The following TMEM132D variants were observed in gnomAD, a reference collection of about 807,000 sequenced individuals.
The protein encoded by TMEM132D is transmembrane protein 132D.
TMEM132D carries 21 observed loss-of-function variants against 62.3 expected under a neutral mutation model. That is an observed-to-expected ratio of 0.34 (90% CI 0.24 to 0.49). The LOEUF is 0.49. Ranked by LOEUF, TMEM132D falls within the 20% of genes least tolerant of loss-of-function variation. The pLI, the probability that TMEM132D is intolerant of heterozygous loss-of-function variation, is 0.99. For missense variants in TMEM132D, 1,346 were observed against 1,402.8 expected (o/e 0.96, Z 0.65); for synonymous variants, 621 against 575.6 (o/e 1.08, Z -1.13).
intron 2 of TMEM132D, among the ~76,000 whole-genome samples, chr12:129,595,930 T>C (rs557320617): frequency 6.6e-6 from 1 of 152,182 alleles, no homozygotes; most frequent in Non-Finnish European, 1.5e-5. Context: ...TACATTATTG[T>C]TTGGCCATAT....
intron 2 of TMEM132D, among the ~76,000 whole-genome samples, chr12:129,687,518 G>T (rs1880961726): frequency 6.6e-6 from 1 of 152,038 alleles, no homozygotes; most frequent in African/African-American, 2.4e-5. Context: ...TGCCAACTGG[G>T]TTACTGGAAG....
chr12:129,643,461 C>G (rs1264967018), intron 2 of TMEM132D, among the ~76,000 whole-genome samples: 1 of 152,202 alleles, frequency 6.6e-6, no homozygotes, highest in Non-Finnish European at 1.5e-5. Flanking sequence ...AGCAGATTTG[C>G]TGGCCACAGT....
chr12:129,901,277 G>A (rs527365694), intron 1 of TMEM132D, among the ~76,000 whole-genome samples: 23 of 152,316 alleles, frequency 1.5e-4, no homozygotes, highest in African/African-American at 5.1e-4. Context: ...GAATCTTAGA[G>A]GGAGGTGATA....
chr12:129,432,907 G>T lies in TMEM132D; in HGVS notation c.1116-95090C>A, dbSNP rs188620636. Among the ~76,000 whole-genome samples the T allele has an allele frequency of 2.6e-4, 39 of 152,256 alleles. No individual in the cohort carries two copies. The East Asian group carries it at 6.8e-3, about 26-fold the overall frequency. ...AAGCTGAACTCTGCCAGAAACCCAT[G>T]GCCCCTTGGGTCACCTTGCAGGTAG... is the stretch of plus-strand genomic sequence containing the variant. On this transcript the variant is annotated intron_variant, in intron 3 of 8. Coordinates refer to ENST00000422113, the MANE Select transcript of TMEM132D (RefSeq NM_133448.3).
At chr12:129,189,850 G>A (rs1878334793) in intron 5 of TMEM132D, among the ~76,000 whole-genome samples, 1 of 152,128 alleles carries the variant, frequency 6.6e-6, no homozygotes, top group Non-Finnish European at 1.5e-5. Context: ...TACATGACAG[G>A]GGAAAGTGAG....
At chr12:129,437,331 C>A (rs2135719315) in intron 3 of TMEM132D, among the ~76,000 whole-genome samples, 1 of 152,262 alleles carries the variant, frequency 6.6e-6, no homozygotes, top group African/African-American at 2.4e-5. Context: ...GCCCTTGCAC[C>A]TTCCCCCAAA....
At chr12:129,745,851 G>T (rs560502215) in intron 1 of TMEM132D, among the ~76,000 whole-genome samples, 3 of 152,314 alleles carry the variant, frequency 2.0e-5, no homozygotes, top group African/African-American at 7.2e-5. Context: ...ATTCGCCTGC[G>T]TAGAGTGAAG....
intron 3 of TMEM132D, among the ~76,000 whole-genome samples, chr12:129,435,359 G>A (rs759726968): frequency 1.3e-5 from 2 of 151,980 alleles, no homozygotes; most frequent in Non-Finnish European, 2.9e-5. Flanking sequence ...TGGATCTTAC[G>A]GGCATACCAT....
intron 5 of TMEM132D, among the ~76,000 whole-genome samples, chr12:129,158,344 T>A (rs1028948150): frequency 6.6e-6 from 1 of 152,214 alleles, no homozygotes; most frequent in African/African-American, 2.4e-5. Flanking sequence ...GGACTCCTTT[T>A]TCCTGAAATG....
chr12:129,458,747 A>T (rs1409217161), intron 3 of TMEM132D, among the ~76,000 whole-genome samples: 1 of 152,192 alleles, frequency 6.6e-6, no homozygotes, highest in African/African-American at 2.4e-5. Flanking sequence ...GAGCAGGCTC[A>T]TATTCGGCCG....
chr12:129,231,164 G>A (rs1448386905), intron 4 of TMEM132D, among the ~76,000 whole-genome samples: 3 of 152,186 alleles, frequency 2.0e-5, no homozygotes, highest in Non-Finnish European at 4.4e-5. Flanking sequence ...ACAAAGCCTA[G>A]GGCTAAGTTC....
intron 3 of TMEM132D, among the ~76,000 whole-genome samples, chr12:129,525,518 G>A (rs566328928): frequency 1.8e-4 from 27 of 152,220 alleles, no homozygotes; most frequent in African/African-American, 6.0e-4. Context: ...ACTTGGGCAT[G>A]TGTGCTGCAT....
At chr12:129,418,145 C>G (rs1007376308) in intron 3 of TMEM132D, among the ~76,000 whole-genome samples, 3 of 152,174 alleles carry the variant, frequency 2.0e-5, no homozygotes, top group Non-Finnish European at 4.4e-5. Context: ...TTGTGGAAGA[C>G]AGTGTGGTGA....
chr12:129,491,952 A>AAC (rs2137060929), intron 3 of TMEM132D, among the ~76,000 whole-genome samples: 1 of 151,828 alleles, frequency 6.6e-6, no homozygotes, highest in African/African-American at 2.4e-5. Flanking sequence ...AAAAAAAAAA[A>AAC]ATTGCTTATT....
At chr12:129,142,225 T>A (rs902414954) in intron 5 of TMEM132D, among the ~76,000 whole-genome samples, 3 of 152,236 alleles carry the variant, frequency 2.0e-5, no homozygotes, top group Non-Finnish European at 1.5e-5. Flanking sequence ...CCTTGGAAGG[T>A]GCAGCGAACT....
chr12:129,460,137 T>G (rs1197765830), intron 3 of TMEM132D, among the ~76,000 whole-genome samples: 1 of 152,198 alleles, frequency 6.6e-6, no homozygotes, highest in Non-Finnish European at 1.5e-5. Context: ...GACTGACCCA[T>G]GAAATCATAC....
intron 2 of TMEM132D, among the ~76,000 whole-genome samples, chr12:129,684,353 C>A (rs772779865): frequency 3.3e-5 from 5 of 152,078 alleles, no homozygotes; most frequent in Admixed American, 6.5e-5. Context: ...CTTTGCTTGG[C>A]ACTTTTCCTT....
At chr12:129,422,225 A>G (rs1026834197) in intron 3 of TMEM132D, among the ~76,000 whole-genome samples, 1 of 152,196 alleles carries the variant, frequency 6.6e-6, no homozygotes, top group African/African-American at 2.4e-5. Flanking sequence ...AAGAATATCT[A>G]TACAATTTTT....
chr12:129,561,540 G>A (rs1877233451), intron 2 of TMEM132D, among the ~76,000 whole-genome samples: 1 of 152,148 alleles, frequency 6.6e-6, no homozygotes, highest in Non-Finnish European at 1.5e-5. Context: ...GATAGTGCTG[G>A]AGTTAGAATA....
Sources: gnomAD v4.1 joint callset for allele counts (sites outside exome capture counted in the v4.1 genomes callset) on GRCh38, gnomAD v4.1.1 for gene constraint, MANE v1.5 for transcripts, NCBI Gene and HGNC (gene_info 2026-07-23, HGNC 2026-07-21) for gene names.